The following WWOX variants were observed in gnomAD, a reference collection of about 807,000 sequenced individuals.
WWOX encodes WW domain-containing oxidoreductase.
In WWOX, 69 loss-of-function variants were observed where a neutral mutation model predicts 46.2. The ratio of observed to expected loss-of-function variants is 1.49; its 90% CI spans 1.23 to 1.82. The LOEUF is 1.82. Among genes scored for constraint, WWOX ranks in the 40% most tolerant of loss-of-function variants. The pLI, the probability that WWOX is intolerant of heterozygous loss-of-function variation, is 0.00. For synonymous variants in WWOX, 359 were observed against 202.6 expected, an observed-to-expected ratio of 1.77 and a Z score of -6.56; for missense variants, 919 against 542.6, an observed-to-expected ratio of 1.69 and a Z score of -6.89.
rs1045798678 is a variant in WWOX at position 78,344,237 on chromosome 16, T to C, written c.517-42623T>C. 5.0e-5 allele frequency among the ~76,000 whole-genome samples: 6 copies of C among 120,446 alleles called. 2 individuals carry two copies. The highest frequency in any genetic ancestry group is 1.2e-4 in the Non-Finnish European group (6 of 50,526). 79.0% of individuals were successfully genotyped at this position (120,446 alleles called of 152,430 possible). On this transcript the variant is annotated intron_variant, in intron 5 of 8. Coordinates refer to ENST00000566780, the MANE Select transcript of WWOX (RefSeq NM_016373.4). Reference sequence around the variant, plus strand: ...GTTTTGACAGGATGATGAATAAATATGCTGGGCCCAGAGGACTCCAGGTGA... The same window carrying C: ...GTTTTGACAGGATGATGAATAAATACGCTGGGCCCAGAGGACTCCAGGTGA...
chr16:78,903,801 G>A (rs1337296207), intron 8 of WWOX, among the ~76,000 whole-genome samples: 7 of 152,208 alleles, frequency 4.6e-5, no homozygotes, highest in Admixed American at 2.0e-4. Flanking sequence ...CAATCATGCT[G>A]AGAGTCCAGT....
At chr16:78,437,865 A>C (rs1227473228) in intron 8 of WWOX, among the ~76,000 whole-genome samples, 2 of 152,206 alleles carry the variant, frequency 1.3e-5, no homozygotes, top group Non-Finnish European at 2.9e-5. Flanking sequence ...TATGCAGTTA[A>C]ATTACTCTAA....
chr16:78,817,202 T>G (rs528281003), intron 8 of WWOX, among the ~76,000 whole-genome samples: 91 of 140,196 alleles, frequency 6.5e-4, no homozygotes, highest in African/African-American at 2.3e-3. Context: ...TTTTTTTTCC[T>G]TCTTCAACCC....
intron 8 of WWOX, among the ~76,000 whole-genome samples, chr16:78,503,120 C>G (rs1391075232): frequency 6.6e-6 from 1 of 152,182 alleles, no homozygotes; most frequent in Non-Finnish European, 1.5e-5. Context: ...GCCTAACTCG[C>G]AAGCGATGTG....
At chr16:78,358,290 CTATT>C (rs2081339339) in intron 5 of WWOX, among the ~76,000 whole-genome samples, 1 of 152,166 alleles carries the variant, frequency 6.6e-6, no homozygotes, top group South Asian at 2.1e-4. Context: ...CAAAACGTAT[CTATT>C]TGATTAAATT....
At position 79,059,139 on chromosome 16, in the gene WWOX, C is replaced by T. The variant is rs144608920; in HGVS notation, c.1057-152469C>T. Reference sequence around the variant, plus strand: ...TGTTTTAATTTAATTCACAGGGAGTCATAAACAGGTGGGAGAATTATGGAA... The same window carrying T: ...TGTTTTAATTTAATTCACAGGGAGTTATAAACAGGTGGGAGAATTATGGAA... On this transcript the variant is annotated intron_variant, in intron 8 of 8. Coordinates refer to ENST00000566780, the MANE Select transcript of WWOX (RefSeq NM_016373.4). 3.0e-3 allele frequency among the ~76,000 whole-genome samples: 452 copies of T among 152,288 alleles called. 2 individuals carry two copies. The highest frequency in any genetic ancestry group is 0.01 in the African/African-American group (435 of 41,562).
rs920055530 is a variant in WWOX, at chr16:78,260,158, T to A, written c.516+95869T>A. Among the ~76,000 whole-genome samples the A allele has an allele frequency of 3.4e-4, 51 of 151,256 alleles. 1 individual carries two copies. Among genetic ancestry groups the A allele is most frequent in the South Asian group, 4.2e-4 (2 of 4,812 alleles). ...CAGCCATCCTTGCTGTGCTGCAGCC[T>A]CCACAGGTGACACCTCCTGGTGTGG... is the stretch of plus-strand genomic sequence containing the variant. On this transcript the variant is annotated intron_variant, in intron 5 of 8. Coordinates refer to ENST00000566780, the MANE Select transcript of WWOX (RefSeq NM_016373.4).
chr16:79,128,782 C>A (rs147645286), intron 8 of WWOX, among the ~76,000 whole-genome samples: 1 of 152,080 alleles, frequency 6.6e-6, no homozygotes, highest in African/African-American at 2.4e-5. Flanking sequence ...ATAACAGAGC[C>A]GGGGGCGGAG....
intron 5 of WWOX, among the ~76,000 whole-genome samples, chr16:78,332,341 C>T (rs1270131949): frequency 1.3e-5 from 2 of 152,170 alleles, no homozygotes; most frequent in Non-Finnish European, 2.9e-5. Flanking sequence ...AGAAACACCC[C>T]AGTGGATTAT....
At chr16:78,724,949 C>T (rs1413679379) in intron 8 of WWOX, among the ~76,000 whole-genome samples, 1 of 152,168 alleles carries the variant, frequency 6.6e-6, no homozygotes, top group Non-Finnish European at 1.5e-5. Context: ...AGGTATTTTA[C>T]AGGTGCTTGT....
At chr16:78,955,586 C>T (rs1160326187) in intron 8 of WWOX, among the ~76,000 whole-genome samples, 1 of 151,580 alleles carries the variant, frequency 6.6e-6, no homozygotes, top group Non-Finnish European at 1.5e-5. Context: ...CTTTATGAAA[C>T]CTCTTTTAAC....
chr16:78,910,153 T>A (rs781394584), intron 8 of WWOX, among the ~76,000 whole-genome samples: 33 of 148,230 alleles, frequency 2.2e-4, no homozygotes, highest in Admixed American at 3.4e-4. Flanking sequence ...GGATGATGCT[T>A]TTTCTCCCTT....
At chr16:78,379,425 C>T (rs762041409) in intron 5 of WWOX, among the ~76,000 whole-genome samples, 2 of 152,172 alleles carry the variant, frequency 1.3e-5, no homozygotes, top group East Asian at 1.9e-4. Flanking sequence ...TTCAACACAG[C>T]CATCTAGTGT....
chr16:79,038,523 A>C lies in WWOX; in HGVS notation c.1057-173085A>C, dbSNP rs185259347. Among the ~76,000 whole-genome samples, 52 of 152,330 alleles carry C rather than the reference A, an allele frequency of 3.4e-4. 1 individual carries two copies. The highest frequency in any genetic ancestry group is 1.9e-4 in the Non-Finnish European group (13 of 68,034). On this transcript the variant is annotated intron_variant, in intron 8 of 8. Transcript: ENST00000566780. ...TTCTAATTATGATTTTTAACAATAT[A>C]TTATCAGAGTTTTCTGACAAAGAAT...
At chr16:78,569,887 C>G (rs1280054463) in intron 8 of WWOX, among the ~76,000 whole-genome samples, 1 of 152,162 alleles carries the variant, frequency 6.6e-6, no homozygotes, top group East Asian at 1.9e-4. Context: ...CATCATCTTC[C>G]TTGATCATAA....
intron 8 of WWOX, among the ~76,000 whole-genome samples, chr16:79,056,534 C>A (rs2048265407): frequency 6.6e-6 from 1 of 152,160 alleles, no homozygotes; most frequent in Admixed American, 6.5e-5. Flanking sequence ...TTGGCACTGC[C>A]AACATGTGGG....
At chr16:78,144,468 C>T (rs1045185529) in intron 4 of WWOX, among the ~76,000 whole-genome samples, 1,219 of 13,746 alleles carry the variant, frequency 0.089, 138 homozygotes, top group East Asian at 0.21. Flanking sequence ...TATATACACA[C>T]ATATATATAT....
intron 8 of WWOX, among the ~76,000 whole-genome samples, chr16:78,649,538 A>G (rs913181345): frequency 1.3e-5 from 2 of 152,212 alleles, no homozygotes; most frequent in South Asian, 4.2e-4. Context: ...CGGCCTCCCA[A>G]AGTGCTGGGA....
intron 5 of WWOX, among the ~76,000 whole-genome samples, chr16:78,364,100 G>A (rs934277005): frequency 6.6e-6 from 1 of 152,166 alleles, no homozygotes; most frequent in Non-Finnish European, 1.5e-5. Flanking sequence ...TAGTGACCTT[G>A]CCCTTCCTGG....
Sources: gnomAD v4.1 joint callset for allele counts (sites outside exome capture counted in the v4.1 genomes callset) on GRCh38, gnomAD v4.1.1 for gene constraint, MANE v1.5 for transcripts, NCBI Gene and HGNC (gene_info 2026-07-23, HGNC 2026-07-21) for gene names.